Variants in DGKB observed in about 807,000 individuals in gnomAD.
DGKB encodes the protein diacylglycerol kinase beta.
DGKB carries 67 observed loss-of-function variants against 114.3 expected under a neutral mutation model. That is an observed-to-expected ratio of 0.59 (90% CI 0.48 to 0.72). The LOEUF (loss-of-function observed/expected upper bound fraction) is 0.72, where lower values mean the gene tolerates loss of function less well. DGKB is among the 30% of genes least tolerant of loss of function. The pLI, the probability that DGKB is intolerant of heterozygous loss-of-function variation, is 0.00. For missense variants in DGKB, 907 were observed against 975.2 expected (o/e 0.93, Z 0.93); for synonymous variants, 398 against 323.1 (o/e 1.23, Z -2.49).
chr7:14,927,542 C>A (rs1178498052), intron 1 of DGKB, among the ~76,000 whole-genome samples: 1 of 151,836 alleles, frequency 6.6e-6, no homozygotes, highest in African/African-American at 2.4e-5. Flanking sequence ...AAAAAGCAAA[C>A]TCCTACACAA....
At chr7:14,934,348 T>C (rs577616173) in intron 1 of DGKB, among the ~76,000 whole-genome samples, 4 of 152,326 alleles carry the variant, frequency 2.6e-5, no homozygotes, top group South Asian at 2.1e-4. Context: ...TCTAAATAAG[T>C]CTTTGTAATA....
chr7:14,844,097 G>T (rs1469880662), intron 1 of DGKB, among the ~76,000 whole-genome samples: 1 of 152,210 alleles, frequency 6.6e-6, no homozygotes, highest in African/African-American at 2.4e-5. Context: ...CTGTTTAAAT[G>T]ACTGCATTCC....
chr7:14,607,972 T>C (rs867534055), intron 16 of DGKB, among the ~76,000 whole-genome samples: 3 of 152,056 alleles, frequency 2.0e-5, no homozygotes, highest in Non-Finnish European at 2.9e-5. Flanking sequence ...GGACTGTACA[T>C]TGTATATGTG....
chr7:14,705,766 A>G (rs535070735), intron 6 of DGKB, among the ~76,000 whole-genome samples: 71 of 151,942 alleles, frequency 4.7e-4, no homozygotes, highest in Admixed American at 9.8e-4. Context: ...AGCAAATGCT[A>G]AGAGATTTTG....
At chr7:14,570,053 G>A (rs980298344) in intron 20 of DGKB, among the ~76,000 whole-genome samples, 7 of 150,732 alleles carry the variant, frequency 4.6e-5, no homozygotes, top group African/African-American at 1.7e-4. Context: ...TCTCATACTA[G>A]TCATAATATA....
chr7:14,608,340 AT>A (rs1478365471), intron 16 of DGKB, among the ~76,000 whole-genome samples: 1 of 152,118 alleles, frequency 6.6e-6, no homozygotes, highest in Admixed American at 6.6e-5. Flanking sequence ...CCAAATCCAT[AT>A]AATTATCTCA....
At chr7:14,431,032 C>G (rs1011407931) in intron 21 of DGKB, among the ~76,000 whole-genome samples, 2 of 152,102 alleles carry the variant, frequency 1.3e-5, no homozygotes, top group African/African-American at 2.4e-5. Flanking sequence ...TTGTTTTGAT[C>G]TTTCAGGCGA....
chr7:14,600,213 T>C (rs566635247), intron 17 of DGKB, among the ~76,000 whole-genome samples: 2 of 152,260 alleles, frequency 1.3e-5, no homozygotes, highest in Admixed American at 1.3e-4. Context: ...CGAGAGCTAG[T>C]TCCCTTGAGC....
At chr7:14,188,383 G>A (rs370720720) in intron 23 of DGKB, among the ~76,000 whole-genome samples, 13 of 120,558 alleles carry the variant, frequency 1.1e-4, no homozygotes, top group East Asian at 6.8e-4. Flanking sequence ...CCAATTGGCC[G>A]GGCGCGGTGG....
At chr7:14,681,604 T>C (rs1186514847) in intron 12 of DGKB, among the ~76,000 whole-genome samples, 5 of 152,028 alleles carry the variant, frequency 3.3e-5, no homozygotes, top group African/African-American at 7.2e-5. Context: ...AAAACTTTAG[T>C]CCTGTAACAC....
chr7:14,285,811 A>G (rs1800784498), intron 23 of DGKB, among the ~76,000 whole-genome samples: 1 of 152,180 alleles, frequency 6.6e-6, no homozygotes, highest in Non-Finnish European at 1.5e-5. Flanking sequence ...TATTTAGCAT[A>G]TTTGAGAAAT....
intron 17 of DGKB, among the ~76,000 whole-genome samples, chr7:14,597,835 T>C (rs906734608): frequency 6.6e-6 from 1 of 152,162 alleles, no homozygotes; most frequent in Non-Finnish European, 1.5e-5. Flanking sequence ...CATGTGTGTG[T>C]GTGTGCATGC....
chr7:14,448,969 T>C (rs563017538), intron 21 of DGKB, among the ~76,000 whole-genome samples: 6 of 152,218 alleles, frequency 3.9e-5, no homozygotes, highest in Non-Finnish European at 8.8e-5. Context: ...GATAATGTTA[T>C]TTAAACCAGA....
intron 21 of DGKB, among the ~76,000 whole-genome samples, chr7:14,430,572 A>T (rs188740697): frequency 6.6e-6 from 1 of 152,312 alleles, no homozygotes; most frequent in Non-Finnish European, 1.5e-5. Flanking sequence ...CCCTCATGCC[A>T]CATCTCTAAC....
At chr7:14,761,591 A>G (rs1276926977) in intron 2 of DGKB, among the ~76,000 whole-genome samples, 1 of 152,208 alleles carries the variant, frequency 6.6e-6, no homozygotes, top group East Asian at 1.9e-4. Context: ...GCCTTCTAGG[A>G]CAAAATAAAC....
intron 23 of DGKB, among the ~76,000 whole-genome samples, chr7:14,276,419 A>C (rs1290297897): frequency 6.6e-6 from 1 of 152,202 alleles, no homozygotes; most frequent in Non-Finnish European, 1.5e-5. Flanking sequence ...GTATGTCTAC[A>C]TGATAGAATA....
At chr7:14,221,513 G>A (rs970378127) in intron 23 of DGKB, among the ~76,000 whole-genome samples, 5 of 151,344 alleles carry the variant, frequency 3.3e-5, no homozygotes, top group African/African-American at 1.2e-4. Flanking sequence ...TCATTCCTGG[G>A]ATAAATATCA....
intron 1 of DGKB, among the ~76,000 whole-genome samples, chr7:14,900,124 C>T (rs570517193): frequency 1.1e-4 from 17 of 152,198 alleles, no homozygotes; most frequent in South Asian, 2.1e-4. Flanking sequence ...CGTTGTGTGA[C>T]GAACAAAGCA....
intron 2 of DGKB, among the ~76,000 whole-genome samples, chr7:14,767,532 A>C (rs1221642863): frequency 2.0e-5 from 3 of 151,770 alleles, no homozygotes; most frequent in Admixed American, 2.0e-4. Context: ...CGGGGATTTC[A>C]TTTTTCTATA....
Sources: gnomAD v4.1 joint callset for allele counts (sites outside exome capture counted in the v4.1 genomes callset) on GRCh38, gnomAD v4.1.1 for gene constraint, MANE v1.5 for transcripts, NCBI Gene and HGNC (gene_info 2026-07-23, HGNC 2026-07-21) for gene names.